The following CAPN5 variants were observed in gnomAD, a reference collection of about 807,000 sequenced individuals.
CAPN5 encodes the protein calpain-5.
A neutral mutation model predicts 73.0 loss-of-function variants in CAPN5; 54 were observed. The observed-to-expected ratio is 0.74, with a 90% CI of 0.59 to 0.93. CAPN5 has a LOEUF of 0.93. Among genes scored for constraint, CAPN5 ranks in the 40% least tolerant of loss-of-function variants. The pLI is 0.00. For missense variants in CAPN5, 785 were observed against 882.9 expected, an observed-to-expected ratio of 0.89 and a Z score of 1.41; for synonymous variants, 335 against 356.9, an observed-to-expected ratio of 0.94 and a Z score of 0.69.
Position 77,119,020 on chromosome 11 carries a change from A to G in CAPN5, c.1168-10A>G, listed in dbSNP as rs1555042234. The G allele has an allele frequency of 6.2e-7, 1 of 1,608,896 alleles. No individual in the cohort carries two copies. Among genetic ancestry groups the G allele is most frequent in the Non-Finnish European group, 8.5e-7 (1 of 1,177,598 alleles). On this transcript the variant is annotated splice_polypyrimidine_tract_variant and intron_variant, in intron 8 of 12. Transcript: ENST00000648180. ...GCAGTGTCTCTCTCTCTCCTTGGCC[A>G]CACCTGCAGTACATCTTCGAAGTCA...
chr11:77,077,209 T>A (rs1041120249), intron 1 of CAPN5, among the ~76,000 whole-genome samples: 1 of 151,964 alleles, frequency 6.6e-6, no homozygotes, highest in African/African-American at 2.4e-5. Flanking sequence ...ATATGAAAAT[T>A]AGCCAGGCAT....
intron 3 of CAPN5, among the ~76,000 whole-genome samples, chr11:77,099,168 T>G (rs1591129963): frequency 2.3e-5 from 1 of 43,542 alleles, no homozygotes; most frequent in Non-Finnish European, 4.4e-5. Flanking sequence ...TTCCTAGATG[T>G]GATGGCGGCT....
chr11:77,089,995 T>TA (rs199570659), intron 2 of CAPN5, among the ~76,000 whole-genome samples: 4,698 of 152,332 alleles, frequency 0.031, 257 homozygotes, highest in African/African-American at 0.11. Context: ...GCAAGTGACT[T>TA]AACCTTTCTG....
At chr11:77,082,765 C>T (rs1432870522) in intron 1 of CAPN5, among the ~76,000 whole-genome samples, 1 of 152,176 alleles carries the variant, frequency 6.6e-6, no homozygotes, top group Non-Finnish European at 1.5e-5. Flanking sequence ...AGCGTTGGCC[C>T]CTTCCTAGCC....
At chr11:77,096,660 A>G (rs1565266019) in intron 3 of CAPN5, among the ~76,000 whole-genome samples, 1 of 152,256 alleles carries the variant, frequency 6.6e-6, no homozygotes, top group Non-Finnish European at 1.5e-5. Context: ...AGTTTGGCTG[A>G]ACATTTGCCA....
intron 2 of CAPN5, among the ~76,000 whole-genome samples, chr11:77,086,187 G>A (rs761911397): frequency 2.0e-4 from 30 of 152,336 alleles, no homozygotes; most frequent in Non-Finnish European, 3.1e-4. Context: ...TCAGCAGCCT[G>A]TAACAGGGTC....
At chr11:77,109,089 TTTTC>T (rs1950383709) in intron 3 of CAPN5, among the ~76,000 whole-genome samples, 1 of 152,202 alleles carries the variant, frequency 6.6e-6, no homozygotes, top group Admixed American at 6.5e-5. Context: ...GGAACAATTT[TTTTC>T]TTTCTTTGTC....
rs71043542 is a variant in CAPN5 at position 77,067,632 on chromosome 11, C to CGTGTGTGTGTGTGTGTGTGTGT, written c.-36+555_-36+576dup. 1.6e-3 allele frequency among the ~76,000 whole-genome samples: 206 copies of CGTGTGTGTGTGTGTGTGTGTGT among 126,726 alleles called. 3 individuals carry two copies. The highest frequency in any genetic ancestry group is 4.8e-3 in the East Asian group (20 of 4,132). The allele number at this position is 126,726 out of a possible 152,430, so 83.1% of individuals were successfully genotyped here. A position where few individuals can be genotyped will look rare whatever the true frequency, so the allele number is the denominator to read the frequency against. Reference sequence around the variant, plus strand: ...TCTCCTTGACTGCAGGGCGGGCGCACGTGTGTGTGTGTGTGTGTGTGTGTG... The same window carrying CGTGTGTGTGTGTGTGTGTGTGT: ...TCTCCTTGACTGCAGGGCGGGCGCACGTGTGTGTGTGTGTGTGTGTGTGTGTGTGTGTGTGTGTGTGTGTGTG... On this transcript the variant is annotated intron_variant, in intron 1 of 12. Transcript: ENST00000648180.
intron 4 of CAPN5, chr11:77,113,040 C>G: frequency 1.7e-6 from 1 of 580,548 alleles, no homozygotes; most frequent in South Asian, 2.0e-5. Context: ...GGGGAGAAGA[C>G]TGAGGCCCAG....
intron 1 of CAPN5, among the ~76,000 whole-genome samples, chr11:77,073,384 T>A (rs1212823665): frequency 2.6e-5 from 4 of 152,074 alleles, no homozygotes; most frequent in Admixed American, 2.0e-4. Context: ...TGCTTACAGA[T>A]GCTGCTTACA....
chr11:77,124,196 C>G lies in CAPN5; in HGVS notation c.*326C>G. 3.4e-6 allele frequency: 1 copy of G among 293,784 alleles called. No individual in the cohort carries two copies. The highest frequency in any genetic ancestry group is 6.4e-6 in the Non-Finnish European group (1 of 156,780). The allele number at this position is 293,784 out of a possible 1,614,324, so 18.2% of individuals were successfully genotyped here. ...GCCGAGGAGCGCCAAGAAGATGTCA[C>G]TTGTTTACACACGAACTGCCACATC... On this transcript the variant is annotated 3_prime_UTR_variant, in exon 13 of 13. Coordinates refer to ENST00000648180, the MANE Select transcript of CAPN5 (RefSeq NM_004055.5).
chr11:77,078,232 A>G (rs1400659540), intron 1 of CAPN5, among the ~76,000 whole-genome samples: 2 of 152,206 alleles, frequency 1.3e-5, no homozygotes, highest in Non-Finnish European at 2.9e-5. Context: ...GTTTGAGTCA[A>G]TGTTTGCATA....
At chr11:77,096,195 T>C (rs930516081) in intron 3 of CAPN5, among the ~76,000 whole-genome samples, 1 of 152,042 alleles carries the variant, frequency 6.6e-6, no homozygotes, top group Non-Finnish European at 1.5e-5. Context: ...CACCTCACAC[T>C]TGGGGATTCT....
chr11:77,087,988 C>T (rs1950107538), intron 2 of CAPN5: 2 of 1,535,578 alleles, frequency 1.3e-6, no homozygotes, highest in African/African-American at 2.7e-5. Context: ...TGGGGAGATG[C>T]ACGGAGAATG....
chr11:77,118,896 A>G, intron 8 of CAPN5, 134 bp from the exon 9 acceptor site: 1 of 983,202 alleles, frequency 1.0e-6, no homozygotes, highest in Admixed American at 2.2e-5. Context: ...CCCACCTCAC[A>G]GCAGAGGGAC....
At chr11:77,111,125 A>G (rs1307372840) in intron 3 of CAPN5, among the ~76,000 whole-genome samples, 1 of 151,734 alleles carries the variant, frequency 6.6e-6, no homozygotes, top group Admixed American at 6.6e-5. Context: ...GCTGCTGAGT[A>G]GGGTCTGGCA....
intron 1 of CAPN5, among the ~76,000 whole-genome samples, chr11:77,082,639 C>T (rs61899965): frequency 9.0e-4 from 137 of 152,152 alleles, no homozygotes; most frequent in Non-Finnish European, 1.2e-3. Context: ...GATGGGGCAA[C>T]GGTATCAGGC....
At chr11:77,105,380 C>T (rs1950334205) in intron 3 of CAPN5, among the ~76,000 whole-genome samples, 2 of 152,122 alleles carry the variant, frequency 1.3e-5, no homozygotes, top group Non-Finnish European at 2.9e-5. Context: ...GGCCAGGAGC[C>T]TCCGGCCCTG....
At chr11:77,115,279 GCAATTCCCAT>G (rs1487404924) in intron 5 of CAPN5, 106 bp from the exon 6 acceptor site, 1 of 760,860 alleles carries the variant, frequency 1.3e-6, no homozygotes, top group Non-Finnish European at 2.1e-6. Flanking sequence ...CCCCATGACT[GCAATTCCCAT>G]CCCATCCTGT....
Sources: allele counts gnomAD v4.1 joint callset (sites outside exome capture counted in the v4.1 genomes callset), GRCh38; gene constraint gnomAD v4.1.1; transcripts MANE v1.5; gene names NCBI Gene and HGNC (gene_info 2026-07-23, HGNC 2026-07-21).